The following ARID1B variants were observed in gnomAD, a reference collection of about 807,000 sequenced individuals.
ARID1B encodes the protein AT-rich interaction domain 1B.
A neutral mutation model predicts 212.3 loss-of-function variants in ARID1B; 30 were observed. The observed-to-expected ratio is 0.14, with a 90% CI of 0.11 to 0.19. The LOEUF is 0.19. Among genes scored for constraint, ARID1B ranks in the 10% least tolerant of loss-of-function variants. The probability of loss-of-function intolerance (pLI) is 1.00; values close to 1 mark genes in which losing one functional copy is unlikely to be tolerated. For synonymous variants in ARID1B, 1,402 were observed against 1,301.7 expected (o/e 1.08, Z -1.66); for missense variants, 2,891 against 3,204.0 (o/e 0.90, Z 2.36).
At chr6:156,842,709 A>G (rs1175694040) in intron 2 of ARID1B, among the ~76,000 whole-genome samples, 9 of 152,304 alleles carry the variant, frequency 5.9e-5, no homozygotes, top group Admixed American at 2.0e-4. Flanking sequence ...TAGTGGCTGT[A>G]CCATTTTACA....
At chr6:156,967,126 A>C (rs1309332430) in intron 4 of ARID1B, among the ~76,000 whole-genome samples, 1 of 152,188 alleles carries the variant, frequency 6.6e-6, no homozygotes, top group Non-Finnish European at 1.5e-5. Context: ...CCGTGATTAG[A>C]AATTACTAGA....
intron 4 of ARID1B, among the ~76,000 whole-genome samples, chr6:157,080,822 TTTAAA>T (rs1225096731): frequency 6.6e-6 from 1 of 152,204 alleles, no homozygotes; most frequent in Non-Finnish European, 1.5e-5. Flanking sequence ...GGAACTGTCA[TTTAAA>T]TTAAGTTTTA....
intron 4 of ARID1B, chr6:157,022,841 G>A (rs768644811): frequency 1.1e-4 from 17 of 152,146 alleles, no homozygotes; most frequent in African/African-American, 3.9e-4. Context: ...TTATAACAAC[G>A]TAGGGTTAGG....
chr6:156,922,172 CCTTTT>C (rs1368946673), intron 3 of ARID1B, among the ~76,000 whole-genome samples: 2 of 140,348 alleles, frequency 1.4e-5, no homozygotes, highest in East Asian at 3.9e-4. Flanking sequence ...TATAGGTTGC[CCTTTT>C]TTTTTTTTTT....
intron 4 of ARID1B, among the ~76,000 whole-genome samples, chr6:157,010,447 C>T (rs1030897132): frequency 2.0e-5 from 3 of 151,750 alleles, no homozygotes; most frequent in Non-Finnish European, 4.4e-5. Context: ...CTCAGCCTCC[C>T]GAGTAGCTGG....
At chr6:157,189,368 T>TCTTTTGACC (rs898828558) in intron 13 of ARID1B, among the ~76,000 whole-genome samples, 4 of 152,228 alleles carry the variant, frequency 2.6e-5, no homozygotes, top group Non-Finnish European at 4.4e-5. Context: ...AAAATAAGTA[T>TCTTTTGACC]CCAGTCAAAA....
chr6:156,948,143 A>T (rs1403385042), intron 4 of ARID1B, among the ~76,000 whole-genome samples: 1 of 152,230 alleles, frequency 6.6e-6, no homozygotes, highest in East Asian at 1.9e-4. Context: ...GATTAAAGTT[A>T]GGGGTATTCT....
chr6:157,083,806 C>T (rs1784782070), intron 4 of ARID1B, among the ~76,000 whole-genome samples: 1 of 152,130 alleles, frequency 6.6e-6, no homozygotes, highest in Non-Finnish European at 1.5e-5. Context: ...TATAAATACA[C>T]ACATTATTAT....
At chr6:156,847,898 A>G (rs1784332565) in intron 2 of ARID1B, among the ~76,000 whole-genome samples, 1 of 152,148 alleles carries the variant, frequency 6.6e-6, no homozygotes, top group Non-Finnish European at 1.5e-5. Flanking sequence ...CCCACCAGAG[A>G]ATCCAATAAA....
intron 2 of ARID1B, among the ~76,000 whole-genome samples, chr6:156,882,656 T>A (rs1005840218): frequency 1.3e-5 from 2 of 152,196 alleles, no homozygotes; most frequent in Non-Finnish European, 2.9e-5. Flanking sequence ...TAGACATTTT[T>A]CTGTGAAAGG....
At chr6:157,167,943 T>G (rs1394078751) in intron 9 of ARID1B, 1 of 152,256 alleles carries the variant, frequency 6.6e-6, no homozygotes, top group East Asian at 1.9e-4. Context: ...TCCAGCGACC[T>G]GTTACTCTCT....
chr6:157,166,262 T>G (rs967437554), intron 8 of ARID1B: 5 of 152,204 alleles, frequency 3.3e-5, no homozygotes, highest in African/African-American at 1.2e-4. Flanking sequence ...CAGAGAATAC[T>G]CTTGACCTCT....
chr6:156,830,699 G>A (rs1461722760), intron 2 of ARID1B, among the ~76,000 whole-genome samples: 1 of 151,922 alleles, frequency 6.6e-6, no homozygotes, highest in Non-Finnish European at 1.5e-5. Flanking sequence ...AGGCTGAAGT[G>A]GGAGGATCGC....
chr6:156,887,770 AAG>A (rs1554263504), intron 2 of ARID1B, among the ~76,000 whole-genome samples: 3 of 151,982 alleles, frequency 2.0e-5, no homozygotes, highest in Admixed American at 2.0e-4. Flanking sequence ...TTGAAAAAAA[AAG>A]AAGAAACAAT....
In ARID1B at chr6:156,889,015, TTTATA is replaced by T. The variant is rs551941162; in HGVS notation, c.1987-12356_1987-12352del. On this transcript the variant is annotated intron_variant, in intron 2 of 19. Transcript: ENST00000636930. ...TTTACTGTTAAAAATTTTTTCCTGT[TTTATA>T]TTATTATATCAATAAGGCACACAAA... Among the ~76,000 whole-genome samples the T allele has an allele frequency of 2.8e-3, 434 of 152,328 alleles. 2 individuals are homozygous for T. Among genetic ancestry groups the T allele is most frequent in the African/African-American group, 9.8e-3 (406 of 41,578 alleles).
intron 4 of ARID1B, chr6:156,935,835 G>A (rs1222927286): frequency 7.6e-6 from 3 of 392,220 alleles, no homozygotes; most frequent in African/African-American, 2.1e-5. Flanking sequence ...GATTTTGTGT[G>A]CAGGTGGTTA....
chr6:156,990,295 C>T (rs921010999), intron 4 of ARID1B, among the ~76,000 whole-genome samples: 3 of 151,534 alleles, frequency 2.0e-5, no homozygotes, highest in Non-Finnish European at 4.4e-5. Context: ...ACCTCAGCCT[C>T]TTGAGTAGGT....
Position 157,062,691 on chromosome 6 carries a change from AAT to A in ARID1B, c.2248-21956_2248-21955del, listed in dbSNP as rs796199000. Among the ~76,000 whole-genome samples the A allele has an allele frequency of 1.1e-3, 159 of 142,730 alleles. 1 individual carries two copies. Among genetic ancestry groups the A allele is most frequent in the African/African-American group, 2.6e-3 (99 of 38,672 alleles). The allele number at this position is 142,730 out of a possible 152,430, so 93.6% of individuals were successfully genotyped here. A position where few individuals can be genotyped will look rare whatever the true frequency, so the allele number is the denominator to read the frequency against. On this transcript the variant is annotated intron_variant, in intron 4 of 19. Transcript: ENST00000636930. ...TGTCTGTTAATCTGGTATGTTTTAA[AAT>A]ATATATATATATATTTTTTTTTTTT... is the stretch of plus-strand genomic sequence containing the variant.
intron 4 of ARID1B, among the ~76,000 whole-genome samples, chr6:157,050,323 G>T (rs1306986162): frequency 1.3e-5 from 2 of 152,096 alleles, no homozygotes; most frequent in African/African-American, 2.4e-5. Flanking sequence ...AGGCGGGTGG[G>T]TCATGAGGTC....
Sources: gnomAD v4.1 joint callset for allele counts (sites outside exome capture counted in the v4.1 genomes callset) on GRCh38, gnomAD v4.1.1 for gene constraint, MANE v1.5 for transcripts, NCBI Gene and HGNC (gene_info 2026-07-23, HGNC 2026-07-21) for gene names.